Variants in RIPOR3 observed in about 807,000 individuals in gnomAD.
The protein encoded by RIPOR3 is RIPOR family member 3.
In RIPOR3, 95 loss-of-function variants were observed where a neutral mutation model predicts 114.3. That is an observed-to-expected ratio of 0.83 (90% confidence interval 0.70 to 0.99). The LOEUF (loss-of-function observed/expected upper bound fraction) is 0.99, where lower values mean the gene tolerates loss of function less well. RIPOR3 is among the 50% of genes least tolerant of loss of function. The pLI is 0.00. For synonymous variants in RIPOR3, 575 were observed against 543.8 expected (o/e 1.06, Z -0.80); for missense variants, 1,252 against 1,266.9 (o/e 0.99, Z 0.18).
intron 3 of RIPOR3, among the ~76,000 whole-genome samples, chr20:50,617,570 C>T (rs1054812748): frequency 8.6e-5 from 13 of 151,436 alleles, no homozygotes; most frequent in East Asian, 3.9e-4. Flanking sequence ...GGGTAGCCAC[C>T]GCTGTGCCCA....
At chr20:50,655,492 T>A (rs1019142949) in intron 1 of RIPOR3, among the ~76,000 whole-genome samples, 2 of 152,182 alleles carry the variant, frequency 1.3e-5, no homozygotes, top group Non-Finnish European at 2.9e-5. Flanking sequence ...ACCGAGTGAA[T>A]CTGGAATGAA....
intron 4 of RIPOR3, 25 bp downstream of exon 4, chr20:50,615,977 G>A (rs1435843964): frequency 8.2e-6 from 13 of 1,592,062 alleles, no homozygotes; most frequent in Non-Finnish European, 1.1e-5. Context: ...TATCTGGGTG[G>A]GAAGCAGGCA....
intron 1 of RIPOR3, among the ~76,000 whole-genome samples, chr20:50,648,096 A>G (rs1248489051): frequency 2.0e-5 from 3 of 151,616 alleles, no homozygotes; most frequent in Non-Finnish European, 4.4e-5. Context: ...ACCAACATGG[A>G]GAAACCCCAT....
At position 50,621,074 on chromosome 20, in the gene RIPOR3, C is replaced by T. The variant is rs750965543; in HGVS notation, c.123-942G>A. 7.4e-4 allele frequency: 308 copies of T among 416,224 alleles called. 1 individual carries two copies. Among genetic ancestry groups the T allele is most frequent in the Non-Finnish European group, 1.0e-3 (214 of 214,208 alleles). The allele number at this position is 416,224 out of a possible 1,614,324, so 25.8% of individuals were successfully genotyped here. A position where few individuals can be genotyped will look rare whatever the true frequency, so the allele number is the denominator to read the frequency against. ...TGAGGAAAGCCACTGCCAGGAAAGA[C>T]TGAGCCCCCTCCCCTGCCCTCTCCC... On this transcript the variant is annotated intron_variant, in intron 2 of 21. Transcript: ENST00000327979.
At chr20:50,667,350 A>G (rs1273863865) in intron 1 of RIPOR3, among the ~76,000 whole-genome samples, 3 of 131,396 alleles carry the variant, frequency 2.3e-5, no homozygotes, top group Non-Finnish European at 4.6e-5. Flanking sequence ...CTGGAGTGCA[A>G]TGGCACGATC....
At chr20:50,646,077 T>TC (rs1318672643) in intron 1 of RIPOR3, among the ~76,000 whole-genome samples, 1 of 152,180 alleles carries the variant, frequency 6.6e-6, no homozygotes, top group Admixed American at 6.6e-5. Flanking sequence ...AGATTTTTTT[T>TC]CACATCTTCT....
intron 1 of RIPOR3, chr20:50,636,985 T>C (rs770544976): frequency 1.8e-5 from 17 of 920,684 alleles, no homozygotes; most frequent in Non-Finnish European, 2.2e-5. Flanking sequence ...AGTTTGTTTA[T>C]AGGAGTTTCC....
intron 19 of RIPOR3, 80 bp from the exon 20 acceptor site, chr20:50,589,849 G>T: frequency 7.5e-7 from 1 of 1,327,406 alleles, no homozygotes; most frequent in Non-Finnish European, 1.1e-6. Context: ...GCCACCAGGT[G>T]CCGACAGTAA....
chr20:50,676,858 T>C lies in RIPOR3; in HGVS notation c.3+14268A>G, dbSNP rs571947329. Among the ~76,000 whole-genome samples, 23 of 121,528 alleles carry C rather than the reference T, an allele frequency of 1.9e-4. No homozygotes were observed. The East Asian group carries it at 5.1e-3, about 27-fold the overall frequency. The allele number at this position is 121,528 out of a possible 152,430, so 79.7% of individuals were successfully genotyped here. A position where few individuals can be genotyped will look rare whatever the true frequency, so the allele number is the denominator to read the frequency against. ...GGCTCAAGCAATCCTCCTGCCTCAT[T>C]CTCCCAAAGTGCTAGGATTACAGGT... On this transcript the variant is annotated intron_variant, in intron 1 of 21. Coordinates refer to ENST00000327979, the MANE Select transcript of RIPOR3 (RefSeq NM_001290268.2).
chr20:50,640,657 G>T (rs1007105245), intron 1 of RIPOR3, among the ~76,000 whole-genome samples: 3 of 150,208 alleles, frequency 2.0e-5, no homozygotes, highest in Admixed American at 1.3e-4. Context: ...GGACAGCAGA[G>T]CAGCTTCCCT....
chr20:50,683,999 T>C (rs956794259), intron 1 of RIPOR3, among the ~76,000 whole-genome samples: 1 of 151,788 alleles, frequency 6.6e-6, no homozygotes, highest in Non-Finnish European at 1.5e-5. Context: ...GAGAATCACC[T>C]GAACCCGGGA....
intron 1 of RIPOR3, chr20:50,654,137 GC>G (rs1377848123): frequency 1.3e-5 from 2 of 152,034 alleles, no homozygotes; most frequent in Non-Finnish European, 2.9e-5. Context: ...GTGCTAGGGG[GC>G]AAGTACTAGG....
intron 1 of RIPOR3, among the ~76,000 whole-genome samples, chr20:50,665,998 G>T (rs1320080162): frequency 6.6e-6 from 1 of 151,226 alleles, no homozygotes; most frequent in Non-Finnish European, 1.5e-5. Context: ...TATAAATCAG[G>T]GTCCCATCCC....
chr20:50,631,106 A>G (rs1450283271), intron 1 of RIPOR3, among the ~76,000 whole-genome samples: 2 of 152,250 alleles, frequency 1.3e-5, no homozygotes, highest in Non-Finnish European at 2.9e-5. Context: ...TCAGGTCCTT[A>G]GTGCCGGGCA....
intron 3 of RIPOR3, among the ~76,000 whole-genome samples, chr20:50,617,445 C>T (rs1361533945): frequency 2.0e-5 from 3 of 152,048 alleles, no homozygotes; most frequent in Non-Finnish European, 4.4e-5. Flanking sequence ...TCTGCACAAT[C>T]CCAGCTTGCT....
At chr20:50,621,316 C>G (rs1325387151) in intron 2 of RIPOR3, among the ~76,000 whole-genome samples, 3 of 152,228 alleles carry the variant, frequency 2.0e-5, no homozygotes, top group Non-Finnish European at 4.4e-5. Context: ...ACCTGCCCAG[C>G]ATCCATCCCC....
chr20:50,676,181 T>A (rs1240829553), intron 1 of RIPOR3, among the ~76,000 whole-genome samples: 1 of 152,192 alleles, frequency 6.6e-6, no homozygotes, highest in Non-Finnish European at 1.5e-5. Flanking sequence ...TGGCCACAGA[T>A]GGATACTGTG....
At chr20:50,599,158 G>C (rs904714131) in intron 13 of RIPOR3, among the ~76,000 whole-genome samples, 1 of 152,132 alleles carries the variant, frequency 6.6e-6, no homozygotes, top group Middle Eastern at 3.4e-3. Flanking sequence ...CTGGGAGGCC[G>C]AGGCAGGTGG....
At chr20:50,588,808 C>T (rs1278106204) in intron 20 of RIPOR3, among the ~76,000 whole-genome samples, 18 of 149,842 alleles carry the variant, frequency 1.2e-4, no homozygotes, top group African/African-American at 3.9e-4. Context: ...AGGCCGGGCG[C>T]GGTGGCTCAT....
Sources: allele counts gnomAD v4.1 joint callset (sites outside exome capture counted in the v4.1 genomes callset), GRCh38; gene constraint gnomAD v4.1.1; transcripts MANE v1.5; gene names NCBI Gene and HGNC (gene_info 2026-07-23, HGNC 2026-07-21).